The following NSUN6 variants were observed in gnomAD, a reference collection of about 807,000 sequenced individuals.
NSUN6 encodes NOP2/Sun RNA methyltransferase 6, also known as tRNA (cytosine(72)-C(5))-methyltransferase NSUN6.
Under a neutral mutation model 58.0 loss-of-function variants are expected in NSUN6, and 64 were observed. That is an observed-to-expected ratio of 1.10 (90% CI 0.90 to 1.36). The LOEUF is 1.36. Ranked by LOEUF, NSUN6 falls within the 40% of genes most tolerant of loss-of-function variation. NSUN6 has a pLI of 0.00. For synonymous variants in NSUN6, 231 were observed against 193.9 expected (o/e 1.19, Z -1.59); for missense variants, 701 against 550.1 (o/e 1.27, Z -2.74).
At chr10:18,586,825 G>A (rs186433407) in intron 7 of NSUN6, among the ~76,000 whole-genome samples, 67 of 152,194 alleles carry the variant, frequency 4.4e-4, no homozygotes, top group African/African-American at 1.5e-3. Context: ...ATTTGGCCCC[G>A]CCCACATCCT....
chr10:18,548,627 G>A (rs1238506074), intron 9 of NSUN6, among the ~76,000 whole-genome samples: 2 of 152,062 alleles, frequency 1.3e-5, no homozygotes, highest in Non-Finnish European at 2.9e-5. Flanking sequence ...TTTAAATAGA[G>A]ATGAAGTCTC....
chr10:18,558,069 G>C (rs1252067487), intron 8 of NSUN6, among the ~76,000 whole-genome samples: 1 of 150,908 alleles, frequency 6.6e-6, no homozygotes, highest in East Asian at 2.0e-4. Flanking sequence ...GAATGGAATA[G>C]AGAATGGAAT....
At chr10:18,578,807 G>A (rs889378282) in intron 8 of NSUN6, among the ~76,000 whole-genome samples, 17 of 152,092 alleles carry the variant, frequency 1.1e-4, no homozygotes, top group East Asian at 1.9e-4. Flanking sequence ...CCCAAGCTCC[G>A]TATCAATGAT....
At chr10:18,616,079 A>T in intron 4 of NSUN6, 105 bp downstream of exon 4, 1 of 687,002 alleles carries the variant, frequency 1.5e-6, no homozygotes, top group Admixed American at 2.7e-5. Context: ...TACCCGACCA[A>T]GAAAAATTTG....
At chr10:18,614,641 C>G in intron 4 of NSUN6, 28 bp from the exon 5 acceptor site, 1 of 1,175,042 alleles carries the variant, frequency 8.5e-7, no homozygotes. Flanking sequence ...TCAGATTACA[C>G]TGATTTATAC....
intron 8 of NSUN6, among the ~76,000 whole-genome samples, chr10:18,556,014 A>G (rs1479558194): frequency 1.3e-5 from 2 of 151,556 alleles, no homozygotes; most frequent in African/African-American, 4.8e-5. Flanking sequence ...ATGGAATGGA[A>G]TGAAATGAAG....
chr10:18,628,547 G>T (rs1228285097), intron 3 of NSUN6, among the ~76,000 whole-genome samples: 1 of 152,180 alleles, frequency 6.6e-6, no homozygotes. Flanking sequence ...AACCAATACA[G>T]AAAAGTGCTT....
At chr10:18,581,857 A>G (rs529324115) in intron 8 of NSUN6, among the ~76,000 whole-genome samples, 72 of 151,540 alleles carry the variant, frequency 4.8e-4, no homozygotes, top group Non-Finnish European at 9.3e-4. Context: ...AGCAGCCCTC[A>G]AGGCTGCTCT....
intron 8 of NSUN6, among the ~76,000 whole-genome samples, chr10:18,555,488 T>C (rs2054928319): frequency 7.2e-6 from 1 of 138,658 alleles, no homozygotes; most frequent in African/African-American, 2.8e-5. Flanking sequence ...GTGAATAGAA[T>C]GGAATGAAGG....
intron 3 of NSUN6, among the ~76,000 whole-genome samples, chr10:18,619,238 C>A (rs1332361038): frequency 6.6e-6 from 1 of 152,142 alleles, no homozygotes; most frequent in East Asian, 1.9e-4. Flanking sequence ...TGGCTTGGGA[C>A]CAAACAGTTA....
chr10:18,547,984 G>C (rs1222184607), intron 10 of NSUN6, 128 bp downstream of exon 10: 5 of 881,402 alleles, frequency 5.7e-6, no homozygotes, highest in Non-Finnish European at 8.6e-6. Context: ...AATTAGATAA[G>C]CATTCTTGTT....
At chr10:18,638,654 C>T (rs2059295054) in intron 3 of NSUN6, among the ~76,000 whole-genome samples, 3 of 152,078 alleles carry the variant, frequency 2.0e-5, no homozygotes, top group Non-Finnish European at 4.4e-5. Flanking sequence ...ACAATGTCTA[C>T]AAAGTGCTAA....
At chr10:18,580,428 G>C (rs947695866) in intron 8 of NSUN6, among the ~76,000 whole-genome samples, 35 of 152,138 alleles carry the variant, frequency 2.3e-4, no homozygotes, top group African/African-American at 8.2e-4. Flanking sequence ...CTCCCTAAGA[G>C]GGACAGGCTT....
intron 7 of NSUN6, among the ~76,000 whole-genome samples, chr10:18,589,285 C>A (rs1358310065): frequency 6.6e-6 from 1 of 152,084 alleles, no homozygotes; most frequent in African/African-American, 2.4e-5. Flanking sequence ...AGACCAAACC[C>A]ATGAATGACT....
chr10:18,599,724 T>C (rs766665970), intron 6 of NSUN6, among the ~76,000 whole-genome samples: 1 of 152,210 alleles, frequency 6.6e-6, no homozygotes, highest in Non-Finnish European at 1.5e-5. Flanking sequence ...GAGTATTTAT[T>C]GAATGCTCCC....
chr10:18,562,698 G>A (rs1269212461), intron 8 of NSUN6, among the ~76,000 whole-genome samples: 10 of 150,072 alleles, frequency 6.7e-5, no homozygotes, highest in Admixed American at 4.7e-4. Context: ...AATAGAGAAC[G>A]GAATGGAATG....
intron 8 of NSUN6, among the ~76,000 whole-genome samples, chr10:18,560,341 AAATGT>A (rs1381910703): frequency 4.0e-5 from 6 of 150,410 alleles, no homozygotes; most frequent in Non-Finnish European, 8.9e-5. Flanking sequence ...ATGGTATGAG[AAATGT>A]AATGTAATGT....
At chr10:18,574,898 G>A (rs1254729313) in intron 8 of NSUN6, among the ~76,000 whole-genome samples, 1 of 152,092 alleles carries the variant, frequency 6.6e-6, no homozygotes, top group East Asian at 1.9e-4. Context: ...CCTTTCTTTT[G>A]AAAGTCGAGG....
chr10:18,582,268 C>A (rs1467531026), intron 8 of NSUN6, among the ~76,000 whole-genome samples: 1 of 152,132 alleles, frequency 6.6e-6, no homozygotes, highest in Non-Finnish European at 1.5e-5. Context: ...ACTGCCTGAC[C>A]GTCACCTGAT....
Sources: gnomAD v4.1 joint callset for allele counts (sites outside exome capture counted in the v4.1 genomes callset) on GRCh38, gnomAD v4.1.1 for gene constraint, MANE v1.5 for transcripts, NCBI Gene and HGNC (gene_info 2026-07-23, HGNC 2026-07-21) for gene names.